Variants in MINDY4 observed in about 807,000 individuals in gnomAD.
MINDY4 encodes MINDY lysine 48 deubiquitinase 4, also known as probable ubiquitin carboxyl-terminal hydrolase MINDY-4.
Under a neutral mutation model 87.0 loss-of-function variants are expected in MINDY4, and 68 were observed. The ratio of observed to expected loss-of-function variants is 0.78; its 90% CI spans 0.64 to 0.96. MINDY4 has a LOEUF of 0.96. Ranked by LOEUF, MINDY4 falls within the 40% of genes least tolerant of loss-of-function variation. The pLI is 0.00. For synonymous variants in MINDY4, 379 were observed against 363.2 expected, an observed-to-expected ratio of 1.04 and a Z score of -0.50; for missense variants, 919 against 928.2, an observed-to-expected ratio of 0.99 and a Z score of 0.13.
chr7:30,870,439 C>T (rs578177540), intron 13 of MINDY4, among the ~76,000 whole-genome samples: 1 of 152,354 alleles, frequency 6.6e-6, no homozygotes, highest in East Asian at 1.9e-4. Context: ...TCACTCCCAG[C>T]TGGCTCCTTC....
At chr7:30,839,914 A>C (rs184115929) in intron 8 of MINDY4, among the ~76,000 whole-genome samples, 156 of 152,192 alleles carry the variant, frequency 1.0e-3, no homozygotes, top group African/African-American at 3.6e-3. Flanking sequence ...AATAAGCTAA[A>C]CCCAGGATCA....
At chr7:30,793,388 T>C (rs1231084461) in intron 5 of MINDY4, among the ~76,000 whole-genome samples, 1 of 151,032 alleles carries the variant, frequency 6.6e-6, no homozygotes, top group Non-Finnish European at 1.5e-5. Flanking sequence ...AATTTTTTTT[T>C]CTAGTTTTTA....
intron 7 of MINDY4, among the ~76,000 whole-genome samples, chr7:30,837,645 C>T (rs766474380): frequency 3.3e-5 from 5 of 152,174 alleles, no homozygotes; most frequent in Non-Finnish European, 5.9e-5. Context: ...TGTCATCTGT[C>T]ACCATGCAAT....
intron 15 of MINDY4, among the ~76,000 whole-genome samples, chr7:30,877,056 C>T (rs1380493574): frequency 6.6e-6 from 1 of 152,150 alleles, no homozygotes; most frequent in Non-Finnish European, 1.5e-5. Flanking sequence ...CAAAAGCAGA[C>T]TTCTGGGTCC....
At chr7:30,870,400 G>A (rs1411757349) in intron 13 of MINDY4, among the ~76,000 whole-genome samples, 5 of 152,200 alleles carry the variant, frequency 3.3e-5, no homozygotes, top group South Asian at 4.1e-4. Context: ...CTGAGCTAGC[G>A]CCAGCGAAGC....
chr7:30,849,161 T>G (rs958725482), intron 9 of MINDY4, among the ~76,000 whole-genome samples: 1 of 152,186 alleles, frequency 6.6e-6, no homozygotes, highest in Admixed American at 6.5e-5. Flanking sequence ...TGTGGTGGGC[T>G]GGGTTCTGGT....
intron 17 of MINDY4, among the ~76,000 whole-genome samples, chr7:30,888,553 C>T (rs1294414227): frequency 6.6e-6 from 1 of 152,216 alleles, no homozygotes; most frequent in Admixed American, 6.5e-5. Context: ...CATCCCTCCC[C>T]TTTCTGTGCC....
chr7:30,822,128 A>G lies in MINDY4; in HGVS notation c.1074-6551A>G, dbSNP rs540923869. 2.6e-5 allele frequency among the ~76,000 whole-genome samples: 4 copies of G among 151,682 alleles called. No individual in the cohort carries two copies. The East Asian group carries it at 5.8e-4, about 22-fold the overall frequency. On this transcript the variant is annotated intron_variant, in intron 5 of 17. Transcript: ENST00000265299. ...GCATGCGTCTCCTAAGGGCAAGAAC[A>G]TTTTCCTCCACAACCACAGTACCCA...
Position 30,892,250 on chromosome 7 carries a change from C to T in MINDY4, c.*245C>T. 1.9e-6 allele frequency: 1 copy of T among 514,894 alleles called. No individual in the cohort carries two copies. The highest frequency in any genetic ancestry group is 3.4e-5 in the Admixed American group (1 of 29,220). The allele number at this position is 514,894 out of a possible 1,614,324, so 31.9% of individuals were successfully genotyped here. A position where few individuals can be genotyped will look rare whatever the true frequency, so the allele number is the denominator to read the frequency against. Reference sequence around the variant, plus strand: ...ACTGCTGAGTACTGGAAGGAGGTTGCCAGGGTCTCTGCTACCTTTGTCTGC... The same window carrying T: ...ACTGCTGAGTACTGGAAGGAGGTTGTCAGGGTCTCTGCTACCTTTGTCTGC... On this transcript the variant is annotated 3_prime_UTR_variant, in exon 18 of 18. Coordinates refer to ENST00000265299, the MANE Select transcript of MINDY4 (RefSeq NM_032222.3).
chr7:30,831,042 T>C (rs1027613182), intron 6 of MINDY4, among the ~76,000 whole-genome samples: 10 of 152,040 alleles, frequency 6.6e-5, no homozygotes, highest in Non-Finnish European at 1.5e-4. Context: ...GGCTGCGCAT[T>C]TGGGGGCTAT....
chr7:30,885,171 C>T (rs1378296826), intron 17 of MINDY4, among the ~76,000 whole-genome samples: 1 of 152,210 alleles, frequency 6.6e-6, no homozygotes, highest in Non-Finnish European at 1.5e-5. Flanking sequence ...GTGGCTCATG[C>T]TTGGGGAAAG....
intron 1 of MINDY4, among the ~76,000 whole-genome samples, chr7:30,774,999 A>G (rs1466614096): frequency 1.3e-5 from 2 of 152,116 alleles, no homozygotes; most frequent in African/African-American, 4.8e-5. Context: ...TGCCTATTCT[A>G]CATATCTACT....
intron 12 of MINDY4, among the ~76,000 whole-genome samples, chr7:30,856,099 C>T (rs1248130163): frequency 6.6e-6 from 1 of 152,160 alleles, no homozygotes; most frequent in Admixed American, 6.5e-5. Flanking sequence ...GGAGGATGCC[C>T]CCACCTCTGC....
chr7:30,814,610 GT>G (rs1187878061), intron 5 of MINDY4, among the ~76,000 whole-genome samples: 1 of 152,230 alleles, frequency 6.6e-6, no homozygotes, highest in Non-Finnish European at 1.5e-5. Context: ...GCTAGGAAAA[GT>G]AGAAGGTGTT....
chr7:30,840,833 A>G lies in MINDY4; in HGVS notation c.1430A>G (p.Lys477Arg), dbSNP rs2128567391. 1 of 1,614,080 alleles carries G rather than the reference A, an allele frequency of 6.2e-7. No homozygotes were observed. The highest frequency in any genetic ancestry group is 8.5e-7 in the Non-Finnish European group (1 of 1,179,934). Residue 477 changes from lysine (K) to arginine (R), a missense_variant, in exon 9 of 18, where the codon AAA (lysine) becomes AGA (arginine). By Grantham distance (26) the Lys-to-Arg change is conservative (BLOSUM62 2). Transcript: ENST00000265299. ...AAACTCCTGTTTGAAGGAGATAGCAAAGCCGACTGTGCTCAGTAAGTCAGT... is the reference window on the plus strand; with the variant it reads ...AAACTCCTGTTTGAAGGAGATAGCAGAGCCGACTGTGCTCAGTAAGTCAGT... Reference protein sequence around the residue: ...LQKLLFEGDSKADCAQGLQPS... With the variant: ...LQKLLFEGDSRADCAQGLQPS...
intron 1 of MINDY4, 26 bp downstream of exon 1, chr7:30,771,582 C>T: frequency 6.4e-7 from 1 of 1,572,532 alleles, no homozygotes; most frequent in East Asian, 2.3e-5. Flanking sequence ...CTCCAAAGCC[C>T]AGGAAGTGGC....
chr7:30,830,951 G>C (rs1004536001), intron 6 of MINDY4, among the ~76,000 whole-genome samples: 2 of 152,144 alleles, frequency 1.3e-5, no homozygotes, highest in African/African-American at 2.4e-5. Flanking sequence ...GACTGGGCTG[G>C]GCAAGATGAT....
intron 14 of MINDY4, 119 bp from the exon 15 acceptor site, chr7:30,875,376 C>A: frequency 8.9e-7 from 1 of 1,123,776 alleles, no homozygotes; most frequent in Non-Finnish European, 1.3e-6. Flanking sequence ...TGCTCTCAGG[C>A]TCTCTCCCTC....
chr7:30,821,875 A>C (rs1052730095), intron 5 of MINDY4, among the ~76,000 whole-genome samples: 7 of 152,366 alleles, frequency 4.6e-5, no homozygotes, highest in African/African-American at 1.7e-4. Flanking sequence ...ATTTTAAGGA[A>C]GTTCAAACCT....
Sources: gnomAD v4.1 joint callset for allele counts (sites outside exome capture counted in the v4.1 genomes callset) on GRCh38, gnomAD v4.1.1 for gene constraint, MANE v1.5 for transcripts, NCBI Gene and HGNC (gene_info 2026-07-23, HGNC 2026-07-21) for gene names.